TMEM108: variants seen among roughly 807,000 people sequenced by gnomAD.
TMEM108 encodes the protein transmembrane protein 108.
TMEM108 carries 12 observed loss-of-function variants against 35.1 expected under a neutral mutation model. The observed-to-expected ratio is 0.34, with a 90% CI of 0.22 to 0.55. The LOEUF is 0.55. Ranked by LOEUF, TMEM108 falls within the 20% of genes least tolerant of loss-of-function variation. The pLI is 0.89. For synonymous variants in TMEM108, 287 were observed against 308.6 expected (o/e 0.93, Z 0.73); for missense variants, 680 against 753.3 (o/e 0.90, Z 1.14).
intron 3 of TMEM108, among the ~76,000 whole-genome samples, chr3:133,237,828 G>T (rs76060103): frequency 1.3e-5 from 2 of 152,118 alleles, no homozygotes; most frequent in Non-Finnish European, 2.9e-5. Context: ...AATGCTATTT[G>T]TTAAGAGTAA....
intron 2 of TMEM108, among the ~76,000 whole-genome samples, chr3:133,166,411 T>C (rs900391726): frequency 1.3e-5 from 2 of 152,230 alleles, no homozygotes; most frequent in Non-Finnish European, 2.9e-5. Flanking sequence ...AATTGGTGGG[T>C]TCTTGGTCTC....
intron 3 of TMEM108, among the ~76,000 whole-genome samples, chr3:133,351,914 T>A (rs2072011984): frequency 6.6e-6 from 1 of 152,168 alleles, no homozygotes; most frequent in Non-Finnish European, 1.5e-5. Flanking sequence ...TGGCTTCACA[T>A]TATATCCACT....
Position 133,070,091 on chromosome 3 carries a change from A to G in TMEM108, c.-47+24071A>G, listed in dbSNP as rs568775942. ...ATGAAGACCCTAAACAGTACAGAGC[A>G]CTTGTTTCTTTTCCTGCTTCCTCTG... On this transcript the variant is annotated intron_variant, in intron 2 of 5. Coordinates refer to ENST00000321871, the MANE Select transcript of TMEM108 (RefSeq NM_023943.4). Among the ~76,000 whole-genome samples, 5 of 152,266 alleles carry G rather than the reference A, an allele frequency of 3.3e-5. No homozygotes were observed. The South Asian group carries it at 1.0e-3, about 32-fold the overall frequency.
At chr3:133,226,989 C>G (rs1208869267) in intron 2 of TMEM108, among the ~76,000 whole-genome samples, 2 of 151,934 alleles carry the variant, frequency 1.3e-5, no homozygotes, top group African/African-American at 4.8e-5. Context: ...TTTTTAAAAC[C>G]ATCAGATCTT....
At chr3:133,304,321 G>T (rs1219892622) in intron 3 of TMEM108, among the ~76,000 whole-genome samples, 1 of 152,020 alleles carries the variant, frequency 6.6e-6, no homozygotes, top group Admixed American at 6.5e-5. Context: ...TCTAAACTTG[G>T]CTATACTGAC....
Position 133,396,374 on chromosome 3 carries a change from T to G in TMEM108, c.*388T>G, listed in dbSNP as rs1212102418. The G allele has an allele frequency of 6.5e-6, 1 of 153,550 alleles. No homozygotes were observed. Among genetic ancestry groups the G allele is most frequent in the Non-Finnish European group, 1.4e-5 (1 of 69,176 alleles). 9.5% of individuals were successfully genotyped at this position (153,550 alleles called of 1,614,324 possible). On this transcript the variant is annotated 3_prime_UTR_variant, in exon 6 of 6. Transcript: ENST00000321871. ...TGATTCTTAAAGCTCTGGTTCCTCT[T>G]GATTTGGTGTGACCCCATTTCCTCC...
chr3:133,197,255 G>A (rs570418262), intron 2 of TMEM108, among the ~76,000 whole-genome samples: 1 of 152,276 alleles, frequency 6.6e-6, no homozygotes, highest in Non-Finnish European at 1.5e-5. Flanking sequence ...ACCTTTGGAG[G>A]GCTGGAGGAG....
intron 2 of TMEM108, among the ~76,000 whole-genome samples, chr3:133,218,434 T>C (rs552858738): frequency 6.6e-6 from 1 of 152,150 alleles, no homozygotes; most frequent in Admixed American, 6.6e-5. Flanking sequence ...ACTCTAGTAC[T>C]ATATTGAATA....
intron 2 of TMEM108, among the ~76,000 whole-genome samples, chr3:133,224,180 AGC>A (rs139540035): frequency 0.042 from 6,450 of 152,298 alleles, 171 homozygotes; most frequent in Non-Finnish European, 0.062. Flanking sequence ...TTATTTACTA[AGC>A]ATTTATTGAA....
At chr3:133,286,999 C>T (rs947104803) in intron 3 of TMEM108, among the ~76,000 whole-genome samples, 2 of 152,170 alleles carry the variant, frequency 1.3e-5, no homozygotes, top group Non-Finnish European at 2.9e-5. Context: ...TGAGTATTCT[C>T]TATTTTTCCG....
chr3:133,347,804 A>T (rs1195667391), intron 3 of TMEM108, among the ~76,000 whole-genome samples: 2 of 152,078 alleles, frequency 1.3e-5, no homozygotes, highest in Admixed American at 6.6e-5. Flanking sequence ...ATATAAAGAA[A>T]TTTTTTTCAT....
At chr3:133,141,140 A>C (rs2107755846) in intron 2 of TMEM108, among the ~76,000 whole-genome samples, 1 of 152,348 alleles carries the variant, frequency 6.6e-6, no homozygotes, top group South Asian at 2.1e-4. Context: ...GGAGATCTTG[A>C]GGCCAAATAG....
intron 3 of TMEM108, among the ~76,000 whole-genome samples, chr3:133,245,768 T>C (rs901970911): frequency 6.6e-6 from 1 of 152,228 alleles, no homozygotes; most frequent in African/African-American, 2.4e-5. Context: ...ATGGTCTAGG[T>C]TGGCCCAGTC....
chr3:133,118,829 C>T (rs796537338), intron 2 of TMEM108, among the ~76,000 whole-genome samples: 1 of 151,988 alleles, frequency 6.6e-6, no homozygotes, highest in Non-Finnish European at 1.5e-5. Flanking sequence ...TGTAAAAAGA[C>T]GTAAGATTAT....
intron 2 of TMEM108, among the ~76,000 whole-genome samples, chr3:133,207,333 G>A (rs1187592407): frequency 1.8e-5 from 1 of 57,014 alleles, no homozygotes; most frequent in Non-Finnish European, 3.2e-5. Context: ...ACCAGTCCCA[G>A]TGAGGAGCCA....
intron 4 of TMEM108, among the ~76,000 whole-genome samples, chr3:133,384,300 C>T (rs1223918159): frequency 1.3e-5 from 2 of 152,194 alleles, no homozygotes; most frequent in Non-Finnish European, 2.9e-5. Flanking sequence ...GCACTGGCCC[C>T]TACCTTGCTT....
chr3:133,144,556 C>T (rs1405624463), intron 2 of TMEM108, among the ~76,000 whole-genome samples: 3 of 152,168 alleles, frequency 2.0e-5, no homozygotes. Flanking sequence ...ATACTGTCTT[C>T]CACAATAGTT....
At chr3:133,096,419 A>G (rs528130459) in intron 2 of TMEM108, among the ~76,000 whole-genome samples, 2 of 152,264 alleles carry the variant, frequency 1.3e-5, no homozygotes, top group South Asian at 2.1e-4. Context: ...TGGCCTCCCA[A>G]GGTGCTGGGA....
At chr3:133,344,995 A>C (rs1381121789) in intron 3 of TMEM108, among the ~76,000 whole-genome samples, 1 of 151,938 alleles carries the variant, frequency 6.6e-6, no homozygotes, top group African/African-American at 2.4e-5. Context: ...TAAAAAGAAA[A>C]GTTTAATGAA....
Sources: gnomAD v4.1 joint callset for allele counts (sites outside exome capture counted in the v4.1 genomes callset) on GRCh38, gnomAD v4.1.1 for gene constraint, MANE v1.5 for transcripts, NCBI Gene and HGNC (gene_info 2026-07-23, HGNC 2026-07-21) for gene names.